Variants in RC3H1 observed in about 807,000 individuals in gnomAD.
RC3H1 encodes roquin-1.
RC3H1 carries 50 observed loss-of-function variants against 138.2 expected under a neutral mutation model. The ratio of observed to expected loss-of-function variants is 0.36; its 90% CI spans 0.29 to 0.46. The LOEUF (loss-of-function observed/expected upper bound fraction) is 0.46. Among genes scored for constraint, RC3H1 ranks in the 20% least tolerant of loss-of-function variants. The pLI is 1.00. For synonymous variants in RC3H1, 462 were observed against 489.1 expected (o/e 0.94, Z 0.73); for missense variants, 1,031 against 1,388.1 (o/e 0.74, Z 4.09).
At chr1:173,953,943 G>A (rs753254631) in intron 13 of RC3H1, among the ~76,000 whole-genome samples, 2 of 152,194 alleles carry the variant, frequency 1.3e-5, no homozygotes, top group South Asian at 2.1e-4. Context: ...AGAGGTTGAG[G>A]CAGGAAAATT....
At chr1:173,993,162 T>A (rs1264926593) in intron 1 of RC3H1, 27 bp from the exon 2 acceptor site, 2 of 581,024 alleles carry the variant, frequency 3.4e-6, no homozygotes, top group East Asian at 5.7e-5. Flanking sequence ...AGGAAAAAAA[T>A]TGAGTGTCTT....
chr1:174,018,035 C>T (rs919629761), intron 1 of RC3H1, among the ~76,000 whole-genome samples: 1 of 151,818 alleles, frequency 6.6e-6, no homozygotes, highest in African/African-American at 2.4e-5. Flanking sequence ...CAGCAAAATG[C>T]TATCTCTATA....
At chr1:174,003,213 C>A (rs1661590925) in intron 1 of RC3H1, among the ~76,000 whole-genome samples, 2 of 152,096 alleles carry the variant, frequency 1.3e-5, no homozygotes, top group Admixed American at 1.3e-4. Context: ...GTGGTGAAAC[C>A]CCGTCTCTAC....
At chr1:174,015,672 TTATA>T (rs71770714) in intron 1 of RC3H1, among the ~76,000 whole-genome samples, 3 of 148,040 alleles carry the variant, frequency 2.0e-5, no homozygotes, top group Admixed American at 6.8e-5. Context: ...GCCTCATATT[TTATA>T]TATATATATA....
At chr1:173,946,454 A>G (rs756605348) in intron 17 of RC3H1, 22 bp downstream of exon 17, 1 of 1,594,358 alleles carries the variant, frequency 6.3e-7, no homozygotes, top group East Asian at 2.2e-5. Context: ...AATTGGAATA[A>G]AATGGCTCTC....
chr1:174,009,796 C>T (rs1661717771), intron 1 of RC3H1, among the ~76,000 whole-genome samples: 1 of 152,178 alleles, frequency 6.6e-6, no homozygotes, highest in South Asian at 2.1e-4. Context: ...CGAGATCGTG[C>T]CACTGCACTA....
At chr1:173,978,363 C>T (rs2102995572) in intron 7 of RC3H1, 125 bp downstream of exon 7, 2 of 934,234 alleles carry the variant, frequency 2.1e-6, no homozygotes, top group Non-Finnish European at 1.6e-6. Flanking sequence ...ACTTAAAATA[C>T]TGTAAAAAAG....
At chr1:174,010,586 T>A (rs1661732699) in intron 1 of RC3H1, among the ~76,000 whole-genome samples, 1 of 152,048 alleles carries the variant, frequency 6.6e-6, no homozygotes, top group Non-Finnish European at 1.5e-5. Context: ...GCTGTTTTTT[T>A]AATTTTTTTT....
At chr1:173,950,337 T>C (rs1448021520) in intron 14 of RC3H1, among the ~76,000 whole-genome samples, 1 of 149,022 alleles carries the variant, frequency 6.7e-6, no homozygotes, top group Non-Finnish European at 1.5e-5. Context: ...TACAGCACTT[T>C]CAGAAGCAGG....
intron 14 of RC3H1, among the ~76,000 whole-genome samples, chr1:173,948,762 T>C (rs1325733544): frequency 6.6e-6 from 1 of 151,900 alleles, no homozygotes; most frequent in Admixed American, 6.6e-5. Flanking sequence ...ATTAAAAAAA[T>C]TTTTGAAGAG....
chr1:173,980,702 A>G (rs1660777427), intron 6 of RC3H1, 107 bp downstream of exon 6: 1 of 711,358 alleles, frequency 1.4e-6, no homozygotes, highest in Non-Finnish European at 2.2e-6. Flanking sequence ...CTGGCTATAA[A>G]TACAATTTAC....
intron 7 of RC3H1, among the ~76,000 whole-genome samples, chr1:173,977,274 A>C (rs987771849): frequency 6.6e-6 from 1 of 152,174 alleles, no homozygotes; most frequent in African/African-American, 2.4e-5. Flanking sequence ...GGAGGAACTC[A>C]TAGTAGAGGA....
At chr1:174,009,932 G>A (rs1208187743) in intron 1 of RC3H1, among the ~76,000 whole-genome samples, 9 of 152,040 alleles carry the variant, frequency 5.9e-5, no homozygotes, top group Non-Finnish European at 1.0e-4. Flanking sequence ...CAAACACTTC[G>A]TCCTCGCAAT....
chr1:173,983,868 C>T (rs943066694), intron 3 of RC3H1, among the ~76,000 whole-genome samples: 1 of 152,108 alleles, frequency 6.6e-6, no homozygotes, highest in African/African-American at 2.4e-5. Flanking sequence ...ATCTCATGTG[C>T]ACTTAGCATT....
At chr1:174,018,886 T>C (rs1661910284) in intron 1 of RC3H1, among the ~76,000 whole-genome samples, 1 of 152,160 alleles carries the variant, frequency 6.6e-6, no homozygotes, top group Non-Finnish European at 1.5e-5. Flanking sequence ...TATGCAAGAG[T>C]GGACTGATTA....
At chr1:174,004,740 C>A (rs1242083607) in intron 1 of RC3H1, among the ~76,000 whole-genome samples, 3 of 151,734 alleles carry the variant, frequency 2.0e-5, no homozygotes, top group Non-Finnish European at 4.4e-5. Context: ...ATTGCTTGAA[C>A]CCAGGAGGCG....
chr1:173,935,150 A>G lies in RC3H1; in HGVS notation c.*3571T>C, dbSNP rs1316198249. Reference sequence around the variant, plus strand: ...AACTCTTCTTTTAATTAGAAAAGTAATAAGGAATGGATCTTTGGTCACTTC... The same window carrying G: ...AACTCTTCTTTTAATTAGAAAAGTAGTAAGGAATGGATCTTTGGTCACTTC... On this transcript the variant is annotated 3_prime_UTR_variant, in exon 20 of 20. Transcript: ENST00000367696. The G allele has an allele frequency of 6.6e-6, 1 of 152,216 alleles. No individual in the cohort carries two copies. Among genetic ancestry groups the G allele is most frequent in the Non-Finnish European group, 1.5e-5 (1 of 68,038 alleles). The allele number at this position is 152,216 out of a possible 1,614,324, so 9.4% of individuals were successfully genotyped here.
At chr1:173,946,418 T>C in intron 17 of RC3H1, 58 bp downstream of exon 17, 2 of 1,540,736 alleles carry the variant, frequency 1.3e-6, no homozygotes, top group Non-Finnish European at 8.8e-7. Context: ...AAAGTTCCTA[T>C]TTAAAATCTC....
chr1:173,946,437 C>T lies in RC3H1; in HGVS notation c.2961+39G>A, dbSNP rs757517388. 2.0e-5 allele frequency: 32 copies of T among 1,585,740 alleles called. No individual in the cohort carries two copies. In the East Asian group the frequency reaches 5.8e-4, roughly 29 times the overall value. ...TTCCTATTTAAAATCTCTGAGAACC[C>T]TTCAAAAATTGGAATAAAATGGCTC... On this transcript the variant is annotated intron_variant, in intron 17 of 19. Transcript: ENST00000367696.
Sources: allele counts gnomAD v4.1 joint callset (sites outside exome capture counted in the v4.1 genomes callset), GRCh38; gene constraint gnomAD v4.1.1; transcripts MANE v1.5; gene names NCBI Gene and HGNC (gene_info 2026-07-23, HGNC 2026-07-21).